The following ALPK2 variants were observed in gnomAD, a reference collection of about 807,000 sequenced individuals.
The protein encoded by ALPK2 is alpha kinase 2.
ALPK2 carries 127 observed loss-of-function variants against 163.1 expected under a neutral mutation model. The ratio of observed to expected loss-of-function variants is 0.78; its 90% confidence interval spans 0.67 to 0.90. The LOEUF (loss-of-function observed/expected upper bound fraction) is 0.90. Among genes scored for constraint, ALPK2 ranks in the 40% least tolerant of loss-of-function variants. The pLI, the probability that ALPK2 is intolerant of heterozygous loss-of-function variation, is 0.00. For missense variants in ALPK2, 2,360 were observed against 2,589.6 expected (o/e 0.91, Z 1.92); for synonymous variants, 953 against 959.1 (o/e 0.99, Z 0.12).
intron 3 of ALPK2, among the ~76,000 whole-genome samples, chr18:58,597,105 T>A (rs2052044909): frequency 6.6e-6 from 1 of 152,094 alleles, no homozygotes; most frequent in Admixed American, 6.5e-5. Context: ...CTGGGCAACA[T>A]GGTGAAACCC....
At chr18:58,594,840 G>A (rs937183431) in intron 3 of ALPK2, among the ~76,000 whole-genome samples, 4 of 152,094 alleles carry the variant, frequency 2.6e-5, no homozygotes, top group Admixed American at 6.5e-5. Flanking sequence ...CTGCAGGACC[G>A]TCCTGGGTGG....
intron 1 of ALPK2, among the ~76,000 whole-genome samples, chr18:58,625,413 C>A (rs1404995165): frequency 6.6e-6 from 1 of 152,224 alleles, no homozygotes; most frequent in Non-Finnish European, 1.5e-5. Flanking sequence ...AATAGGTTTT[C>A]TTCAGGAACT....
intron 3 of ALPK2, among the ~76,000 whole-genome samples, chr18:58,593,169 A>G (rs1568095834): frequency 6.6e-6 from 1 of 152,206 alleles, no homozygotes; most frequent in Admixed American, 6.5e-5. Context: ...ATGGATTGTA[A>G]CAAATGTACC....
intron 4 of ALPK2, among the ~76,000 whole-genome samples, chr18:58,541,531 C>A (rs2051689745): frequency 6.6e-6 from 1 of 152,184 alleles, no homozygotes; most frequent in East Asian, 1.9e-4. Flanking sequence ...CTTCAAAATA[C>A]CCTAGTGAAT....
At chr18:58,502,183 GAAAA>G (rs11446192) in intron 11 of ALPK2, among the ~76,000 whole-genome samples, 1 of 80,502 alleles carries the variant, frequency 1.2e-5, no homozygotes, top group Admixed American at 1.4e-4. Flanking sequence ...CACACACAAA[GAAAA>G]AAAAAAGGAA....
At chr18:58,580,600 C>G (rs1195921136) in intron 3 of ALPK2, 52 bp from the exon 4 acceptor site, 1 of 1,433,838 alleles carries the variant, frequency 7.0e-7, no homozygotes, top group East Asian at 2.3e-5. Context: ...ACATGCATGC[C>G]AACATTTTCA....
intron 6 of ALPK2, among the ~76,000 whole-genome samples, chr18:58,525,838 G>A (rs1293487350): frequency 6.6e-6 from 1 of 152,120 alleles, no homozygotes; most frequent in African/African-American, 2.4e-5. Context: ...AGTAGTATTA[G>A]TGGGGAACAG....
At chr18:58,547,280 A>T (rs1475887991) in intron 4 of ALPK2, among the ~76,000 whole-genome samples, 1 of 152,150 alleles carries the variant, frequency 6.6e-6, no homozygotes, top group Non-Finnish European at 1.5e-5. Context: ...AACAATGAGA[A>T]TTGTTAGGGA....
intron 6 of ALPK2, among the ~76,000 whole-genome samples, chr18:58,528,153 G>A (rs2051593361): frequency 1.3e-5 from 2 of 152,218 alleles, no homozygotes; most frequent in Non-Finnish European, 2.9e-5. Context: ...AAGGAAGCCA[G>A]TAATCAGGTT....
chr18:58,578,740 A>ACGCGCGCGCGCGCCCGCGTGCACG, intron 4 of ALPK2, 74 bp downstream of exon 4: 1 of 1,118,832 alleles, frequency 8.9e-7, no homozygotes, highest in African/African-American at 1.6e-5. Context: ...AGAGACACAC[A>ACGCGCGCGCGCGCCCGCGTGCACG]CACACACACA....
chr18:58,565,744 TTCCTTC>T, intron 4 of ALPK2, among the ~76,000 whole-genome samples: 1 of 134,938 alleles, frequency 7.4e-6, no homozygotes, highest in East Asian at 2.9e-4. Flanking sequence ...CCTTCCTTCC[TTCCTTC>T]CTTCCTTCCT....
Position 58,523,700 on chromosome 18 carries a change from G to C in ALPK2, c.5665+106C>G, listed in dbSNP as rs2051568079. On this transcript the variant is annotated intron_variant, in intron 8 of 12. Coordinates refer to ENST00000361673, the MANE Select transcript of ALPK2 (RefSeq NM_052947.4). ...AGTCACGCCATAGCTCTCCTTCTCG[G>C]TTGGAAGAGTCCAGAGGATTACTGC... The C allele has an allele frequency of 2.1e-6, 3 of 1,418,444 alleles. No individual in the cohort carries two copies. The East Asian group carries it at 6.9e-5, about 32-fold the overall frequency. The allele number at this position is 1,418,444 out of a possible 1,614,324, so 87.9% of individuals were successfully genotyped here.
chr18:58,512,403 G>C (rs778966398), intron 10 of ALPK2: 3 of 152,204 alleles, frequency 2.0e-5, no homozygotes, highest in Admixed American at 1.3e-4. Context: ...GACCTCACAT[G>C]CTCCGTTAAA....
chr18:58,569,603 G>C (rs1193520261), intron 4 of ALPK2, among the ~76,000 whole-genome samples: 1 of 152,204 alleles, frequency 6.6e-6, no homozygotes, highest in African/African-American at 2.4e-5. Flanking sequence ...TTGCACAACT[G>C]CAGGCACTAA....
chr18:58,504,015 ATTCTC>A lies in ALPK2; in HGVS notation c.6158_6162del (p.Arg2053IlefsTer36). ...GTGCAACATTTCTGACCAGCTTCTGATTCTCTTCTCAAGAAGTTTATTTCTTTCCC... is the reference window on the plus strand; with the variant it reads ...GTGCAACATTTCTGACCAGCTTCTGATTCTCAAGAAGTTTATTTCTTTCCC... On this transcript the variant is annotated frameshift_variant, in exon 11 of 13. Coordinates refer to ENST00000361673, the MANE Select transcript of ALPK2 (RefSeq NM_052947.4). LOFTEE classifies it high-confidence loss of function. 1 of 1,614,196 alleles carries A rather than the reference ATTCTC, an allele frequency of 6.2e-7. No homozygotes were observed. The highest frequency in any genetic ancestry group is 8.5e-7 in the Non-Finnish European group (1 of 1,180,036).
chr18:58,523,865 T>C (rs758596284), intron 7 of ALPK2, 24 bp from the exon 8 acceptor site: 81 of 1,614,114 alleles, frequency 5.0e-5, no homozygotes, highest in Non-Finnish European at 4.0e-5. Context: ...AAGCAGAGAA[T>C]GGCTTCAGTA....
In ALPK2 at chr18:58,536,924, T is replaced by C. The variant is rs770280865; in HGVS notation, c.3263A>G (p.Gln1088Arg). The C allele has an allele frequency of 6.2e-7, 1 of 1,614,224 alleles. No homozygotes were observed. Among genetic ancestry groups the C allele is most frequent in the South Asian group, 1.1e-5 (1 of 91,088 alleles). The change falls in exon 5 of 13, where the codon CAG becomes CGG. Residue 1088 changes from glutamine to arginine, a missense_variant. Coordinates refer to ENST00000361673, the MANE Select transcript of ALPK2 (RefSeq NM_052947.4). ...GCAGAAACCCTCTCCCTCTGGGAGC[T>C]GCAGGACATGGTGTGGGACTCCTGG... ...SVPGVPHHVL[Q>R]LPEGEGFCSN... is the part of the protein sequence containing the mutation.
intron 12 of ALPK2, among the ~76,000 whole-genome samples, chr18:58,489,390 A>T (rs1032790081): frequency 2.6e-5 from 4 of 152,178 alleles, no homozygotes; most frequent in Non-Finnish European, 4.4e-5. Context: ...GCTATCTGAT[A>T]TCTCTCCTAG....
In ALPK2 at chr18:58,603,081, A is replaced by G. The variant is rs1009082015; in HGVS notation, c.227+4241T>C. On this transcript the variant is annotated intron_variant, in intron 3 of 12. Transcript: ENST00000361673. ...TTGTTTAGCATATAATCAATAAATA[A>G]GTATACTCAGGCGAGCAGCCTATAC... 3.9e-5 allele frequency among the ~76,000 whole-genome samples: 6 copies of G among 152,234 alleles called. No homozygotes were observed. The East Asian group carries it at 1.2e-3, about 29-fold the overall frequency.
Sources: allele counts gnomAD v4.1 joint callset (sites outside exome capture counted in the v4.1 genomes callset), GRCh38; gene constraint gnomAD v4.1.1; transcripts MANE v1.5; gene names NCBI Gene and HGNC (gene_info 2026-07-23, HGNC 2026-07-21).